Variants in EMILIN2 observed in about 807,000 individuals in gnomAD.
The protein encoded by EMILIN2 is EMILIN-2.
Under a neutral mutation model 87.1 loss-of-function variants are expected in EMILIN2, and 71 were observed. The observed-to-expected ratio is 0.82, with a 90% CI of 0.67 to 0.99. EMILIN2 has a LOEUF of 0.99. EMILIN2 is among the 50% of genes least tolerant of loss of function. The pLI, the probability that EMILIN2 is intolerant of heterozygous loss-of-function variation, is 0.00. For missense variants in EMILIN2, 1,407 were observed against 1,371.8 expected (o/e 1.03, Z -0.40); for synonymous variants, 581 against 563.4 (o/e 1.03, Z -0.44).
Position 2,906,976 on chromosome 18 carries a change from C to A in EMILIN2, c.2553C>A (p.Ala851=). The change falls in exon 5 of 8, where the codon GCC becomes GCA. Residue 851 remains alanine (A), a synonymous_variant. Transcript: ENST00000254528. ...GGGTCATCGCGGAGACGGGCCAGGC[C>A]GGGCCCCCCGCAGGCGCAGGCGTGT... ...STGVIAETGQ[A]GPPAGAGVSG... The A allele has an allele frequency of 7.2e-7, 1 of 1,391,234 alleles. No homozygotes were observed. The highest frequency in any genetic ancestry group is 9.3e-7 in the Non-Finnish European group (1 of 1,070,832). The allele number at this position is 1,391,234 out of a possible 1,614,324, so 86.2% of individuals were successfully genotyped here.
At chr18:2,887,043 T>C (rs1374106506) in intron 3 of EMILIN2, among the ~76,000 whole-genome samples, 2 of 152,324 alleles carry the variant, frequency 1.3e-5, no homozygotes, top group Non-Finnish European at 2.9e-5. Flanking sequence ...GCATGTCCTT[T>C]AGTAGCTTCA....
intron 4 of EMILIN2, among the ~76,000 whole-genome samples, chr18:2,901,021 T>C (rs1186386945): frequency 6.6e-6 from 1 of 152,242 alleles, no homozygotes; most frequent in Non-Finnish European, 1.5e-5. Context: ...CACAGTGTTT[T>C]ACAAATAGCG....
chr18:2,910,172 T>C (rs895848959), intron 7 of EMILIN2, among the ~76,000 whole-genome samples: 2 of 138,834 alleles, frequency 1.4e-5, no homozygotes, highest in African/African-American at 2.5e-5. Flanking sequence ...ATAGCCACCA[T>C]TGCACCCCTC....
intron 7 of EMILIN2, among the ~76,000 whole-genome samples, chr18:2,912,667 G>A (rs1463018185): frequency 2.6e-5 from 4 of 152,160 alleles, no homozygotes; most frequent in Non-Finnish European, 5.9e-5. Flanking sequence ...CCTCTTCCAC[G>A]AGGAGCCTGG....
chr18:2,861,892 ATCC>A (rs1598486708), intron 2 of EMILIN2, among the ~76,000 whole-genome samples: 2 of 152,032 alleles, frequency 1.3e-5, no homozygotes, highest in African/African-American at 4.8e-5. Context: ...ATTTGTTTGT[ATCC>A]TCTTTTATTT....
intron 7 of EMILIN2, among the ~76,000 whole-genome samples, chr18:2,911,800 T>C (rs558182026): frequency 1.3e-5 from 2 of 152,254 alleles, no homozygotes; most frequent in South Asian, 4.1e-4. Flanking sequence ...ATGGAGCAGG[T>C]GCAGAAAGAA....
At position 2,915,654 on chromosome 18, in the gene EMILIN2, C is replaced by T. The variant is rs548212283; in HGVS notation, c.*2250C>T. ...TCTCCTACCTCAGCCTCCCGAGTAGCGGGGACTACAGGTGCATGCCGCCAC... is the reference window on the plus strand; with the variant it reads ...TCTCCTACCTCAGCCTCCCGAGTAGTGGGGACTACAGGTGCATGCCGCCAC... On this transcript the variant is annotated 3_prime_UTR_variant, in exon 8 of 8. Coordinates refer to ENST00000254528, the MANE Select transcript of EMILIN2 (RefSeq NM_032048.3). The T allele has an allele frequency of 9.8e-5, 15 of 152,464 alleles. No homozygotes were observed. The highest frequency in any genetic ancestry group is 3.9e-4 in the East Asian group (2 of 5,188). 9.4% of individuals were successfully genotyped at this position (152,464 alleles called of 1,614,324 possible). A position where few individuals can be genotyped will look rare whatever the true frequency, so the allele number is the denominator to read the frequency against.
At chr18:2,863,834 A>G (rs1598487322) in intron 2 of EMILIN2, among the ~76,000 whole-genome samples, 1 of 152,120 alleles carries the variant, frequency 6.6e-6, no homozygotes, top group Non-Finnish European at 1.5e-5. Context: ...AAAGTCTCCC[A>G]TTATTATTGT....
chr18:2,852,390 C>T (rs576207380), intron 2 of EMILIN2, among the ~76,000 whole-genome samples: 2 of 152,324 alleles, frequency 1.3e-5, no homozygotes, highest in South Asian at 2.1e-4. Flanking sequence ...TGTATGTTCC[C>T]GAGCTCAGCT....
At chr18:2,903,754 AT>A (rs1415229174) in intron 4 of EMILIN2, among the ~76,000 whole-genome samples, 1 of 152,090 alleles carries the variant, frequency 6.6e-6, no homozygotes, top group Non-Finnish European at 1.5e-5. Flanking sequence ...CATAAAAAGT[AT>A]CAGATCATTT....
At chr18:2,895,982 C>G (rs1015498652) in intron 4 of EMILIN2, among the ~76,000 whole-genome samples, 1 of 152,120 alleles carries the variant, frequency 6.6e-6, no homozygotes, top group Non-Finnish European at 1.5e-5. Context: ...CAGCCTGTTG[C>G]CCTCTTCACA....
At chr18:2,863,940 C>T (rs1386696489) in intron 2 of EMILIN2, among the ~76,000 whole-genome samples, 10 of 152,150 alleles carry the variant, frequency 6.6e-5, no homozygotes, top group Admixed American at 6.5e-4. Context: ...ATAGTTAGCT[C>T]TTCTTGTTGA....
At chr18:2,907,657 G>C (rs1340047654) in intron 5 of EMILIN2, among the ~76,000 whole-genome samples, 1 of 152,240 alleles carries the variant, frequency 6.6e-6, no homozygotes, top group East Asian at 1.9e-4. Context: ...GACAGTGGGG[G>C]TGGTGTCAGA....
At chr18:2,869,995 C>G (rs1461458783) in intron 2 of EMILIN2, among the ~76,000 whole-genome samples, 1 of 152,056 alleles carries the variant, frequency 6.6e-6, no homozygotes, top group Non-Finnish European at 1.5e-5. Flanking sequence ...TAACACGACA[C>G]TTTGGGAGGC....
In EMILIN2 at chr18:2,914,425, G is replaced by A. The variant is rs1049524719; in HGVS notation, c.*1021G>A. On this transcript the variant is annotated 3_prime_UTR_variant, in exon 8 of 8. Coordinates refer to ENST00000254528, the MANE Select transcript of EMILIN2 (RefSeq NM_032048.3). Reference sequence around the variant, plus strand: ...CAGACACAGCTCGCCGAGCTCTTGGGTTTCTAAGCAGCAGGAAGCTCAACC... The same window carrying A: ...CAGACACAGCTCGCCGAGCTCTTGGATTTCTAAGCAGCAGGAAGCTCAACC... The A allele has an allele frequency of 6.6e-6, 1 of 152,172 alleles. No individual in the cohort carries two copies. 9.4% of individuals were successfully genotyped at this position (152,172 alleles called of 1,614,324 possible). A position where few individuals can be genotyped will look rare whatever the true frequency, so the allele number is the denominator to read the frequency against.
At chr18:2,911,780 CTT>C (rs531187581) in intron 7 of EMILIN2, among the ~76,000 whole-genome samples, 19 of 152,310 alleles carry the variant, frequency 1.2e-4, no homozygotes, top group African/African-American at 3.4e-4. Flanking sequence ...AGAGCTATCT[CTT>C]GTCTTGCATG....
At chr18:2,909,934 C>A in intron 7 of EMILIN2, 115 bp downstream of exon 7, 1 of 1,437,522 alleles carries the variant, frequency 7.0e-7, no homozygotes, top group East Asian at 2.4e-5. Context: ...GAGGACGCCA[C>A]CCTGGAGCAG....
rs376887473 is a variant in EMILIN2, at chr18:2,891,061, G to T, written c.934G>T (p.Glu312Ter). 6.2e-7 allele frequency: 1 copy of T among 1,614,170 alleles called. No individual in the cohort carries two copies. Among genetic ancestry groups the T allele is most frequent in the Non-Finnish European group, 8.5e-7 (1 of 1,180,032 alleles). The change falls in exon 4 of 8, where the codon GAA becomes TAA. Residue 312 changes from glutamate to a stop codon, truncating the protein, a stop_gained. Coordinates refer to ENST00000254528, the MANE Select transcript of EMILIN2 (RefSeq NM_032048.3). LOFTEE classifies it high-confidence loss of function. This position sits in a 1 kb window ranked among gnomAD's most constrained non-coding sequence, Gnocchi z 4.6. ...QGPTVTMTTN[E>*]LYQAYVDSKI... ...CCCGACGGTGACCATGACAACCAAC[G>T]AACTCTACCAAGCCTATGTGGACAG...
At chr18:2,875,820 C>T (rs1245391055) in intron 2 of EMILIN2, among the ~76,000 whole-genome samples, 2 of 152,150 alleles carry the variant, frequency 1.3e-5, no homozygotes, top group African/African-American at 4.8e-5. Context: ...GACCAAGCCT[C>T]GCAGCAGAGC....
Sources: gnomAD v4.1 joint callset for allele counts (sites outside exome capture counted in the v4.1 genomes callset) on GRCh38, gnomAD v4.1.1 for gene constraint, Gnocchi (gnomAD v3.1) non-coding constraint, MANE v1.5 for transcripts, NCBI Gene and HGNC (gene_info 2026-07-23, HGNC 2026-07-21) for gene names.